FAF1: variants seen among roughly 807,000 people sequenced by gnomAD.
FAF1 encodes the protein FAS-associated factor 1.
FAF1 carries 25 observed loss-of-function variants against 92.5 expected under a neutral mutation model. The ratio of observed to expected loss-of-function variants is 0.27; its 90% CI spans 0.20 to 0.38. The LOEUF (loss-of-function observed/expected upper bound fraction) is 0.38, where lower values mean the gene tolerates loss of function less well. FAF1 is among the 10% of genes least tolerant of loss of function. The pLI, the probability that FAF1 is intolerant of heterozygous loss-of-function variation, is 1.00. For synonymous variants in FAF1, 234 were observed against 273.2 expected (o/e 0.86, Z 1.42); for missense variants, 636 against 793.3 (o/e 0.80, Z 2.38).
chr1:50,582,640 G>C lies in FAF1; in HGVS notation c.1091C>G (p.Ala364Gly), dbSNP rs1386586082. The C allele has an allele frequency of 6.2e-7, 1 of 1,611,972 alleles. No individual in the cohort carries two copies. Among genetic ancestry groups the C allele is most frequent in the Non-Finnish European group, 8.5e-7 (1 of 1,178,218 alleles). ...IGSLEAAFQEAFYVKARDRKL... is the reference protein window; with the variant it reads ...IGSLEAAFQEGFYVKARDRKL... ...TACATCTCGGGCTTTCACATAGAAG[G>C]CCTCTTGAAAAGCAGCTTCTAATGA... Residue 364 changes from alanine (A) to glycine (G), a missense_variant, in exon 12 of 19, where the codon GCC becomes GGC. By Grantham distance (60) the Ala-to-Gly change is moderately conservative (BLOSUM62 0). Transcript: ENST00000396153.
intron 9 of FAF1, among the ~76,000 whole-genome samples, chr1:50,592,443 G>A (rs1236075757): frequency 2.0e-5 from 3 of 151,960 alleles, no homozygotes; most frequent in South Asian, 2.1e-4. Context: ...ATCATTAAAC[G>A]GGGGCTCAGG....
At chr1:50,655,570 A>G in intron 7 of FAF1, 42 bp from the exon 8 acceptor site, 1 of 1,230,364 alleles carries the variant, frequency 8.1e-7, no homozygotes, top group Non-Finnish European at 1.2e-6. Flanking sequence ...TAGAATTTTC[A>G]CATGACTTAC....
intron 4 of FAF1, 123 bp downstream of exon 4, chr1:50,787,877 A>G: frequency 1.4e-6 from 1 of 698,768 alleles, no homozygotes; most frequent in Non-Finnish European, 2.5e-6. Context: ...TTGGAAAGTT[A>G]CCAGTTTCAA....
intron 2 of FAF1, among the ~76,000 whole-genome samples, chr1:50,805,564 G>C (rs2124598007): frequency 6.6e-6 from 1 of 152,254 alleles, no homozygotes; most frequent in Non-Finnish European, 1.5e-5. Context: ...AAATCTCATT[G>C]TAACATCACA....
chr1:50,607,495 A>G (rs892667252), intron 8 of FAF1, among the ~76,000 whole-genome samples: 1 of 151,588 alleles, frequency 6.6e-6, no homozygotes, highest in Non-Finnish European at 1.5e-5. Context: ...TTTTGTATAC[A>G]GGTTTCTTTG....
At chr1:50,533,137 G>A (rs1240413733) in intron 15 of FAF1, among the ~76,000 whole-genome samples, 1 of 151,946 alleles carries the variant, frequency 6.6e-6, no homozygotes, top group Non-Finnish European at 1.5e-5. Flanking sequence ...AGGGTCCCAC[G>A]TTGTTGCCCT....
At chr1:50,586,198 C>G (rs1163043569) in intron 9 of FAF1, among the ~76,000 whole-genome samples, 1 of 152,156 alleles carries the variant, frequency 6.6e-6, no homozygotes, top group African/African-American at 2.4e-5. Flanking sequence ...CCTCCCTCCC[C>G]TAGGCCCAAA....
At chr1:50,800,265 C>T (rs184816167) in intron 3 of FAF1, among the ~76,000 whole-genome samples, 1 of 152,238 alleles carries the variant, frequency 6.6e-6, no homozygotes, top group Admixed American at 6.5e-5. Flanking sequence ...GATGATATAT[C>T]CAATATGTAC....
intron 7 of FAF1, among the ~76,000 whole-genome samples, chr1:50,693,156 A>T (rs893549346): frequency 1.3e-5 from 2 of 151,960 alleles, no homozygotes; most frequent in Non-Finnish European, 2.9e-5. Flanking sequence ...ACCACGAAAA[A>T]TTTTTCCTGT....
intron 7 of FAF1, among the ~76,000 whole-genome samples, chr1:50,661,311 T>C (rs529832095): frequency 6.6e-6 from 1 of 152,336 alleles, no homozygotes; most frequent in Non-Finnish European, 1.5e-5. Context: ...GCTACTGTGA[T>C]ATAGTTTTCA....
chr1:50,929,041 C>G (rs1256502151), intron 1 of FAF1, among the ~76,000 whole-genome samples: 1 of 139,152 alleles, frequency 7.2e-6, no homozygotes, highest in Non-Finnish European at 1.5e-5. Context: ...CACTGTACCC[C>G]AGCCTGGGTG....
intron 2 of FAF1, among the ~76,000 whole-genome samples, chr1:50,832,144 A>G (rs932331064): frequency 6.6e-6 from 1 of 152,168 alleles, no homozygotes; most frequent in Non-Finnish European, 1.5e-5. Flanking sequence ...TTACAATGCA[A>G]TAACAGAAAT....
intron 2 of FAF1, among the ~76,000 whole-genome samples, chr1:50,847,539 A>G (rs1644312567): frequency 6.6e-6 from 1 of 152,154 alleles, no homozygotes. Flanking sequence ...AAATTACTAG[A>G]GCTACAGAAA....
chr1:50,740,628 G>A (rs1470162719), intron 5 of FAF1, among the ~76,000 whole-genome samples: 1 of 150,718 alleles, frequency 6.6e-6, no homozygotes, highest in Non-Finnish European at 1.5e-5. Flanking sequence ...GTTTGTTTTT[G>A]TTTAATGCTG....
chr1:50,551,274 C>G (rs1049516070), intron 13 of FAF1, among the ~76,000 whole-genome samples: 1 of 152,030 alleles, frequency 6.6e-6, no homozygotes, highest in African/African-American at 2.4e-5. Context: ...GAATGTTTTC[C>G]CAATTCAAGC....
intron 18 of FAF1, chr1:50,471,124 T>G (rs1035868581): frequency 2.6e-5 from 4 of 152,226 alleles, no homozygotes; most frequent in Non-Finnish European, 5.9e-5. Context: ...AATGAGAGAA[T>G]ACATGAATTA....
At chr1:50,917,378 A>T (rs948928565) in intron 1 of FAF1, among the ~76,000 whole-genome samples, 6 of 152,176 alleles carry the variant, frequency 3.9e-5, no homozygotes, top group Admixed American at 3.9e-4. Flanking sequence ...ATTCCGAGCA[A>T]GAACTTGAAA....
chr1:50,474,159 A>G (rs926896256), intron 18 of FAF1, among the ~76,000 whole-genome samples: 4 of 152,202 alleles, frequency 2.6e-5, no homozygotes, highest in African/African-American at 9.7e-5. Flanking sequence ...GTAACTTTCA[A>G]CTCATTGGTC....
At chr1:50,911,207 G>C (rs1644883020) in intron 1 of FAF1, among the ~76,000 whole-genome samples, 2 of 151,496 alleles carry the variant, frequency 1.3e-5, no homozygotes, top group South Asian at 4.2e-4. Flanking sequence ...CAAGCAGCTG[G>C]GATTACAGGC....
Sources: gnomAD v4.1 joint callset for allele counts (sites outside exome capture counted in the v4.1 genomes callset) on GRCh38, gnomAD v4.1.1 for gene constraint, MANE v1.5 for transcripts, NCBI Gene and HGNC (gene_info 2026-07-23, HGNC 2026-07-21) for gene names.